The following CACNB2 variants were observed in gnomAD, a reference collection of about 807,000 sequenced individuals.
CACNB2 encodes the protein voltage-dependent L-type calcium channel subunit beta-2.
CACNB2 carries 42 observed loss-of-function variants against 73.3 expected under a neutral mutation model. The ratio of observed to expected loss-of-function variants is 0.57; its 90% CI spans 0.45 to 0.74. The LOEUF (loss-of-function observed/expected upper bound fraction) is 0.74. CACNB2 is among the 30% of genes least tolerant of loss of function. CACNB2 has a pLI of 0.00. For missense variants in CACNB2, 940 were observed against 853.0 expected, an observed-to-expected ratio of 1.10 and a Z score of -1.27; for synonymous variants, 348 against 310.3, an observed-to-expected ratio of 1.12 and a Z score of -1.28.
rs58345605 is a variant in CACNB2 at position 18,172,924 on chromosome 10, C to CTTTTTTTT, written c.213+21957_213+21964dup. 3.3e-3 allele frequency among the ~76,000 whole-genome samples: 385 copies of CTTTTTTTT among 117,446 alleles called. 10 individuals carry two copies. The highest frequency in any genetic ancestry group is 0.011 in the African/African-American group (334 of 30,110). The allele number at this position is 117,446 out of a possible 152,430, so 77.0% of individuals were successfully genotyped here. On this transcript the variant is annotated intron_variant, in intron 2 of 13. Transcript: ENST00000324631. ...CTTCAAATAGGGAAAATAATAAGGC[C>CTTTTTTTT]TTTTTTTTTTTTTTTAAATGGAGTT...
intron 2 of CACNB2, among the ~76,000 whole-genome samples, chr10:18,396,801 C>T (rs923243650): frequency 6.6e-6 from 1 of 152,078 alleles, no homozygotes; most frequent in Non-Finnish European, 1.5e-5. Context: ...ATATGTGGGC[C>T]TGACCAGCAA....
chr10:18,224,346 A>AAAAG (rs778219119), intron 2 of CACNB2: 9 of 151,696 alleles, frequency 5.9e-5, no homozygotes, highest in Non-Finnish European at 1.3e-4. Flanking sequence ...TTCAAAAAAA[A>AAAAG]AAAAATTCCA....
chr10:18,495,582 T>TG (rs1554830738), intron 3 of CACNB2, among the ~76,000 whole-genome samples: 2 of 135,362 alleles, frequency 1.5e-5, no homozygotes, highest in African/African-American at 5.6e-5. Flanking sequence ...TGTGTGTGTG[T>TG]GTGTGTGTGT....
chr10:18,413,458 C>T (rs1436267930), intron 3 of CACNB2, among the ~76,000 whole-genome samples: 1 of 152,188 alleles, frequency 6.6e-6, no homozygotes, highest in African/African-American at 2.4e-5. Flanking sequence ...GATCTCAGGT[C>T]CTCTTTTTGG....
chr10:18,381,802 T>C (rs1192602013), intron 2 of CACNB2, among the ~76,000 whole-genome samples: 1 of 152,056 alleles, frequency 6.6e-6, no homozygotes, highest in Non-Finnish European at 1.5e-5. Context: ...TACATCATGC[T>C]GTACCCACAG....
chr10:18,253,798 G>A (rs750175958), intron 2 of CACNB2, among the ~76,000 whole-genome samples: 17 of 151,978 alleles, frequency 1.1e-4, no homozygotes, highest in Non-Finnish European at 2.1e-4. Context: ...TTCTATCATT[G>A]CCCCCGACTC....
At chr10:18,265,784 TC>T (rs1290921524) in intron 2 of CACNB2, among the ~76,000 whole-genome samples, 4 of 152,232 alleles carry the variant, frequency 2.6e-5, no homozygotes, top group Non-Finnish European at 4.4e-5. Context: ...TGCACTTACT[TC>T]TGGCCTGATA....
At chr10:18,350,382 C>T (rs2041656484) in intron 2 of CACNB2, among the ~76,000 whole-genome samples, 1 of 152,234 alleles carries the variant, frequency 6.6e-6, no homozygotes, top group African/African-American at 2.4e-5. Flanking sequence ...TGGGGTCCCA[C>T]AGGTGTCCGT....
chr10:18,442,685 C>T (rs574897145), intron 3 of CACNB2, among the ~76,000 whole-genome samples: 3 of 150,536 alleles, frequency 2.0e-5, no homozygotes, highest in South Asian at 2.1e-4. Context: ...ATTAGCTGGG[C>T]GTGGTGGCAC....
chr10:18,268,925 G>T (rs1225737775), intron 2 of CACNB2, among the ~76,000 whole-genome samples: 2 of 152,140 alleles, frequency 1.3e-5, no homozygotes, highest in Non-Finnish European at 2.9e-5. Flanking sequence ...AGAAGGGCAA[G>T]GTCTGGCCTT....
chr10:18,165,308 G>A (rs370047750), intron 2 of CACNB2, among the ~76,000 whole-genome samples: 109 of 152,320 alleles, frequency 7.2e-4, no homozygotes, highest in African/African-American at 2.4e-3. Flanking sequence ...CATCTGCTGC[G>A]GCTGGTGGCT....
intron 2 of CACNB2, among the ~76,000 whole-genome samples, chr10:18,290,992 T>C (rs2039042906): frequency 6.6e-6 from 1 of 152,226 alleles, no homozygotes; most frequent in African/African-American, 2.4e-5. Context: ...GGGGCTTCTA[T>C]TTTTCTTACC....
At chr10:18,442,226 T>G (rs2046443301) in intron 3 of CACNB2, among the ~76,000 whole-genome samples, 1 of 152,056 alleles carries the variant, frequency 6.6e-6, no homozygotes, top group South Asian at 2.1e-4. Context: ...CTCTACTCAC[T>G]GCAACCTCCG....
chr10:18,273,898 T>C (rs1353072952), intron 2 of CACNB2, among the ~76,000 whole-genome samples: 1 of 152,232 alleles, frequency 6.6e-6, no homozygotes, highest in East Asian at 1.9e-4. Flanking sequence ...CTTTAACTAC[T>C]AGATCCAGTT....
intron 2 of CACNB2, among the ~76,000 whole-genome samples, chr10:18,335,599 A>G (rs2040970059): frequency 6.6e-6 from 1 of 152,070 alleles, no homozygotes; most frequent in Admixed American, 6.6e-5. Context: ...AAATATATAC[A>G]TATTAAGTCC....
At chr10:18,155,937 C>T (rs974793577) in intron 2 of CACNB2, among the ~76,000 whole-genome samples, 6 of 150,552 alleles carry the variant, frequency 4.0e-5, no homozygotes, top group African/African-American at 1.2e-4. Context: ...ATGCCATATA[C>T]ATACCATATA....
chr10:18,307,250 C>T (rs997423792), intron 2 of CACNB2, among the ~76,000 whole-genome samples: 7 of 152,192 alleles, frequency 4.6e-5, no homozygotes, highest in African/African-American at 1.7e-4. Flanking sequence ...GATCACGAGG[C>T]CTGAAGTTTG....
intron 2 of CACNB2, among the ~76,000 whole-genome samples, chr10:18,334,834 C>A (rs758355848): frequency 1.3e-5 from 2 of 152,146 alleles, no homozygotes; most frequent in Non-Finnish European, 2.9e-5. Context: ...CAGATGTGTA[C>A]TAGATGTTTT....
At chr10:18,247,961 G>A (rs951746591) in intron 2 of CACNB2, among the ~76,000 whole-genome samples, 3 of 152,138 alleles carry the variant, frequency 2.0e-5, no homozygotes, top group Non-Finnish European at 4.4e-5. Flanking sequence ...TGGTGGAAGG[G>A]GCAGTGGATC....
Sources: gnomAD v4.1 joint callset for allele counts (sites outside exome capture counted in the v4.1 genomes callset) on GRCh38, gnomAD v4.1.1 for gene constraint, MANE v1.5 for transcripts, NCBI Gene and HGNC (gene_info 2026-07-23, HGNC 2026-07-21) for gene names.